The following SNAP91 variants were observed in gnomAD, a reference collection of about 807,000 sequenced individuals.
The protein encoded by SNAP91 is clathrin coat assembly protein AP180.
SNAP91 carries 27 observed loss-of-function variants against 100.3 expected under a neutral mutation model. That is an observed-to-expected ratio of 0.27 (90% confidence interval 0.20 to 0.37). SNAP91 has a LOEUF of 0.37. SNAP91 is among the 10% of genes least tolerant of loss of function. The pLI is 1.00. For missense variants in SNAP91, 986 were observed against 1,123.7 expected (o/e 0.88, Z 1.75); for synonymous variants, 404 against 398.6 (o/e 1.01, Z -0.16).
chr6:83,611,210 C>T (rs375294219), intron 11 of SNAP91, among the ~76,000 whole-genome samples: 2 of 152,016 alleles, frequency 1.3e-5, no homozygotes, highest in Non-Finnish European at 2.9e-5. Flanking sequence ...GTTTTCCCCC[C>T]CCATGGCTGT....
intron 8 of SNAP91, among the ~76,000 whole-genome samples, chr6:83,631,845 T>C (rs910069484): frequency 1.3e-5 from 2 of 152,156 alleles, no homozygotes; most frequent in African/African-American, 4.8e-5. Context: ...AATGTTAGTA[T>C]TGAGATGTGA....
At chr6:83,616,827 G>A (rs2096511240) in intron 10 of SNAP91, 142 bp downstream of exon 10, 1 of 537,736 alleles carries the variant, frequency 1.9e-6, no homozygotes, top group Non-Finnish European at 3.3e-6. Flanking sequence ...AGGAAGAGTA[G>A]GGGTTCTGAG....
chr6:83,695,464 A>T (rs1562713247), intron 2 of SNAP91, among the ~76,000 whole-genome samples: 1 of 152,178 alleles, frequency 6.6e-6, no homozygotes, highest in African/African-American at 2.4e-5. Context: ...ATTTTAAAAA[A>T]AGTATTTGGG....
At chr6:83,588,033 T>A (rs1037711178) in intron 22 of SNAP91, among the ~76,000 whole-genome samples, 1 of 143,666 alleles carries the variant, frequency 7.0e-6, no homozygotes, top group African/African-American at 2.6e-5. Flanking sequence ...TTCACCATGT[T>A]GGCCAGGCTG....
chr6:83,578,971 T>A (rs1005731160), intron 24 of SNAP91, among the ~76,000 whole-genome samples: 1 of 152,172 alleles, frequency 6.6e-6, no homozygotes, highest in African/African-American at 2.4e-5. Context: ...CTTTCCCCAA[T>A]TTTTTTCTCC....
chr6:83,557,858 T>C (rs555391050), intron 28 of SNAP91, among the ~76,000 whole-genome samples: 1 of 152,154 alleles, frequency 6.6e-6, no homozygotes, highest in African/African-American at 2.4e-5. Flanking sequence ...AATGCTGCGA[T>C]AGTCCAGGCA....
In SNAP91 at chr6:83,580,507, C is replaced by T; in HGVS notation, c.2242G>A (p.Ala748Thr). 6.2e-7 allele frequency: 1 copy of T among 1,613,618 alleles called. No individual in the cohort carries two copies. Among genetic ancestry groups the T allele is most frequent in the Non-Finnish European group, 8.5e-7 (1 of 1,179,796 alleles). ...TCACTTCCAAGGGCTTTGCTGGCTGCCATTGCAGGACTGGGTGGTACCATT... is the reference window on the plus strand; with the variant it reads ...TCACTTCCAAGGGCTTTGCTGGCTGTCATTGCAGGACTGGGTGGTACCATT... ...VSMVPPSPAM[A>T]ASKALGSDLD... The change falls in exon 24 of 30, where the codon GCA becomes ACA. Residue 748 changes from alanine (A) to threonine (T), a missense_variant. Coordinates refer to ENST00000369694, the MANE Select transcript of SNAP91 (RefSeq NM_001242792.2).
At chr6:83,701,292 T>C (rs1483284400) in intron 2 of SNAP91, among the ~76,000 whole-genome samples, 1 of 151,906 alleles carries the variant, frequency 6.6e-6, no homozygotes, top group Non-Finnish European at 1.5e-5. Context: ...ACAGAGAGAA[T>C]AACTCATGTA....
At chr6:83,640,949 T>A (rs2097673438) in intron 8 of SNAP91, 147 bp downstream of exon 8, 1 of 455,284 alleles carries the variant, frequency 2.2e-6, no homozygotes, top group Admixed American at 4.4e-5. Context: ...ACTTCCAAAG[T>A]CACTTCCAAC....
intron 17 of SNAP91, among the ~76,000 whole-genome samples, chr6:83,594,131 A>G (rs2094182471): frequency 6.6e-6 from 1 of 152,246 alleles, no homozygotes; most frequent in Admixed American, 6.5e-5. Context: ...ATTAGAAAAA[A>G]AAACATTAAG....
chr6:83,614,718 A>G, intron 11 of SNAP91, 139 bp downstream of exon 11: 1 of 576,292 alleles, frequency 1.7e-6, no homozygotes, highest in Non-Finnish European at 2.9e-6. Flanking sequence ...AAAATAAAGC[A>G]TAATGAAAAA....
At chr6:83,688,573 G>A (rs950618370) in intron 2 of SNAP91, among the ~76,000 whole-genome samples, 3 of 148,456 alleles carry the variant, frequency 2.0e-5, no homozygotes, top group African/African-American at 7.6e-5. Flanking sequence ...GTGCAGTCTC[G>A]GCTCACTGCA....
At chr6:83,646,903 A>G (rs1375888569) in intron 7 of SNAP91, among the ~76,000 whole-genome samples, 1 of 152,116 alleles carries the variant, frequency 6.6e-6, no homozygotes, top group African/African-American at 2.4e-5. Flanking sequence ...TCTTAGAGAC[A>G]TTTTGTTAAG....
rs1461886580 is a variant in SNAP91 at position 83,707,877 on chromosome 6, A to G, written c.51T>C (p.Val17=). Residue 17 remains valine (V), a synonymous_variant, in exon 2 of 30, where the codon GTT becomes GTC. Transcript: ENST00000369694. The part of the protein sequence containing the change: ...TDRIAAAQYS[V]TGSAVARAVC... Reference sequence around the variant, plus strand: ...CCGCTCTTGCTACAGCAGAGCCTGTAACGCTGTACTGAGCGGCGGCGATCC... The same window carrying G: ...CCGCTCTTGCTACAGCAGAGCCTGTGACGCTGTACTGAGCGGCGGCGATCC... 1.4e-5 allele frequency: 23 copies of G among 1,608,588 alleles called. No individual in the cohort carries two copies. Among genetic ancestry groups the G allele is most frequent in the Non-Finnish European group, 1.9e-5 (22 of 1,178,186 alleles).
intron 2 of SNAP91, among the ~76,000 whole-genome samples, chr6:83,690,048 G>A (rs2099111827): frequency 6.6e-6 from 1 of 151,444 alleles, no homozygotes; most frequent in Non-Finnish European, 1.5e-5. Context: ...CCCTTTTGCT[G>A]AACAATGAGT....
intron 26 of SNAP91, among the ~76,000 whole-genome samples, chr6:83,562,765 G>T (rs1790046622): frequency 6.6e-6 from 1 of 152,114 alleles, no homozygotes; most frequent in South Asian, 2.1e-4. Flanking sequence ...TTAAATTCCT[G>T]TGGGAAACCT....
rs1792182393 is a variant in SNAP91 at position 83,563,775 on chromosome 6, T to TA, written c.2443-2829dup. 2.0e-5 allele frequency among the ~76,000 whole-genome samples: 3 copies of TA among 152,106 alleles called. No homozygotes were observed. The South Asian group carries it at 6.2e-4, about 32-fold the overall frequency. On this transcript the variant is annotated intron_variant, in intron 26 of 29. Transcript: ENST00000369694. ...GTTCCATTTATAATAGCATCAACAATAAAATATTAAAAAATAAATTTAACA... is the reference window on the plus strand; with the variant it reads ...GTTCCATTTATAATAGCATCAACAATAAAAATATTAAAAAATAAATTTAACA...
chr6:83,627,942 G>A (rs1052358272), intron 8 of SNAP91, among the ~76,000 whole-genome samples: 1 of 151,474 alleles, frequency 6.6e-6, no homozygotes, highest in African/African-American at 2.4e-5. Flanking sequence ...TGAGATTCTG[G>A]AGCACCCATC....
intron 8 of SNAP91, among the ~76,000 whole-genome samples, chr6:83,637,906 C>T (rs542702432): frequency 2.6e-5 from 4 of 152,294 alleles, no homozygotes; most frequent in Non-Finnish European, 5.9e-5. Flanking sequence ...TCTGGCCCCT[C>T]GGGGTTAAGC....
Sources: gnomAD v4.1 joint callset for allele counts (sites outside exome capture counted in the v4.1 genomes callset) on GRCh38, gnomAD v4.1.1 for gene constraint, MANE v1.5 for transcripts, NCBI Gene and HGNC (gene_info 2026-07-23, HGNC 2026-07-21) for gene names.